ARID1B: variants seen among roughly 807,000 people sequenced by gnomAD.
ARID1B encodes the protein AT-rich interactive domain-containing protein 1B.
In ARID1B, 30 loss-of-function variants were observed where a neutral mutation model predicts 212.3. The ratio of observed to expected loss-of-function variants is 0.14; its 90% CI spans 0.11 to 0.19. The LOEUF (loss-of-function observed/expected upper bound fraction) is 0.19, where lower values mean the gene tolerates loss of function less well. ARID1B is among the 10% of genes least tolerant of loss of function. ARID1B has a pLI of 1.00. For synonymous variants in ARID1B, 1,402 were observed against 1,301.7 expected (o/e 1.08, Z -1.66); for missense variants, 2,891 against 3,204.0 (o/e 0.90, Z 2.36).
rs948223936 is a variant in ARID1B, at chr6:157,210,442, GCA to G, written c.*2552_*2553del. The G allele has an allele frequency of 4.3e-6, 1 of 230,610 alleles. No individual in the cohort carries two copies. Among genetic ancestry groups the G allele is most frequent in the African/African-American group, 2.2e-5 (1 of 44,960 alleles). The allele number at this position is 230,610 out of a possible 1,614,324, so 14.3% of individuals were successfully genotyped here. On this transcript the variant is annotated 3_prime_UTR_variant, in exon 20 of 20. Transcript: ENST00000636930. ...TTATGGTTTGCATTGTAACCGATACGCAGAGTCTGACCGTTGGGCAACAAGTT... is the reference window on the plus strand; with the variant it reads ...TTATGGTTTGCATTGTAACCGATACGGAGTCTGACCGTTGGGCAACAAGTT...
intron 3 of ARID1B, among the ~76,000 whole-genome samples, chr6:156,910,138 T>A (rs914674653): frequency 6.6e-6 from 1 of 152,238 alleles, no homozygotes; most frequent in African/African-American, 2.4e-5. Context: ...TGTTTGGTTG[T>A]CCCACAACAG....
chr6:157,011,341 A>G (rs1384589857), intron 4 of ARID1B, among the ~76,000 whole-genome samples: 1 of 152,232 alleles, frequency 6.6e-6, no homozygotes, highest in African/African-American at 2.4e-5. Context: ...TCTATGATAA[A>G]TTCCCTTGCA....
chr6:157,004,655 G>A lies in ARID1B; in HGVS notation c.2247+69079G>A, dbSNP rs960442288. On this transcript the variant is annotated intron_variant, in intron 4 of 19. Coordinates refer to ENST00000636930, the MANE Select transcript of ARID1B (RefSeq NM_001374828.1). ...TTACCTTAAATTTAGAAATGTGTTC[G>A]GAACAGCCGTGCACTTGGACTTGGC... 1.2e-4 allele frequency among the ~76,000 whole-genome samples: 18 copies of A among 152,160 alleles called. 1 individual carries two copies. Among genetic ancestry groups the A allele is most frequent in the Admixed American group, 2.6e-4 (4 of 15,294 alleles).
At chr6:156,969,575 C>T (rs1477273462) in intron 4 of ARID1B, among the ~76,000 whole-genome samples, 1 of 152,182 alleles carries the variant, frequency 6.6e-6, no homozygotes, top group Non-Finnish European at 1.5e-5. Flanking sequence ...CATTTAAAAC[C>T]TTCTAATACA....
At chr6:157,180,148 AAAAGTG>A (rs1792400902) in intron 11 of ARID1B, among the ~76,000 whole-genome samples, 1 of 152,206 alleles carries the variant, frequency 6.6e-6, no homozygotes, top group African/African-American at 2.4e-5. Flanking sequence ...GCCTAGGGCT[AAAAGTG>A]TTACCTGTCC....
At chr6:157,134,982 A>G (rs1788815215) in intron 7 of ARID1B, among the ~76,000 whole-genome samples, 1 of 152,010 alleles carries the variant, frequency 6.6e-6, no homozygotes, top group Non-Finnish European at 1.5e-5. Context: ...TACTCATCAT[A>G]TGTGAAGACT....
At chr6:156,928,243 C>T (rs1290465053) in intron 3 of ARID1B, among the ~76,000 whole-genome samples, 1 of 152,140 alleles carries the variant, frequency 6.6e-6, no homozygotes, top group Non-Finnish European at 1.5e-5. Flanking sequence ...GAGGCATTTT[C>T]TGAGCACTTG....
intron 2 of ARID1B, among the ~76,000 whole-genome samples, chr6:156,840,230 C>T (rs1184704740): frequency 6.6e-6 from 1 of 152,162 alleles, no homozygotes; most frequent in Non-Finnish European, 1.5e-5. Context: ...CTTTGCGTTT[C>T]CTTTTCCTCC....
rs139407686 is a variant in ARID1B at position 157,174,857 on chromosome 6, G to A, written c.3356G>A (p.Ser1119Asn). The change falls in exon 11 of 20, where the codon AGC (serine) becomes AAC (asparagine). Residue 1119 changes from serine (S) to asparagine (N), a missense_variant. By Grantham distance (46) the Ser-to-Asn change is conservative. This residue lies in a region of ARID1B where 1,643 missense variants were observed against 1,544.0 expected (regional missense o/e 1.06). Transcript: ENST00000636930. ...QPESKSKDSY[S>N]SQGISQPPTP... ...ATTCCTCTACCACAGGATAGCTACA[G>A]CTCTCAGGGTATTTCTCAGCCCCCA... 1.3e-4 allele frequency: 202 copies of A among 1,545,948 alleles called. No homozygotes were observed. Among genetic ancestry groups the A allele is most frequent in the Non-Finnish European group, 1.6e-4 (185 of 1,146,554 alleles).
chr6:157,192,719 T>A (rs978402815), intron 15 of ARID1B, among the ~76,000 whole-genome samples: 6 of 152,244 alleles, frequency 3.9e-5, no homozygotes, highest in African/African-American at 1.4e-4. Flanking sequence ...GTACAATCCC[T>A]AGTGTATTTC....
chr6:156,873,897 A>G (rs2128151152), intron 2 of ARID1B, among the ~76,000 whole-genome samples: 1 of 152,300 alleles, frequency 6.6e-6, no homozygotes, highest in African/African-American at 2.4e-5. Flanking sequence ...CACCCGCCAA[A>G]GCATTTCTCA....
At chr6:156,862,625 C>G (rs1349925551) in intron 2 of ARID1B, among the ~76,000 whole-genome samples, 1 of 152,156 alleles carries the variant, frequency 6.6e-6, no homozygotes, top group Non-Finnish European at 1.5e-5. Flanking sequence ...GGCCAGAGAG[C>G]CTTCCTGCAG....
intron 4 of ARID1B, among the ~76,000 whole-genome samples, chr6:156,949,056 A>G (rs528379770): frequency 6.6e-6 from 1 of 152,348 alleles, no homozygotes; most frequent in East Asian, 1.9e-4. Flanking sequence ...ACGTCTTATC[A>G]GTGCTGGTGA....
intron 6 of ARID1B, among the ~76,000 whole-genome samples, chr6:157,113,670 CATTTGGGTGGGGACACAGTTCAACATGAG>C (rs776216553): frequency 6.6e-6 from 1 of 152,186 alleles, no homozygotes; most frequent in Non-Finnish European, 1.5e-5. Flanking sequence ...CCACCTCCAA[CATTTGGGTGGGGACACAGTTCAACATGAG>C]ATTTGGGTGG....
chr6:156,994,610 T>C (rs1778478514), intron 4 of ARID1B, among the ~76,000 whole-genome samples: 2 of 151,852 alleles, frequency 1.3e-5, no homozygotes, highest in South Asian at 4.1e-4. Flanking sequence ...TGAAAACATA[T>C]GTTAAGTCTG....
chr6:157,006,844 A>T (rs947408624), intron 4 of ARID1B, among the ~76,000 whole-genome samples: 3 of 152,240 alleles, frequency 2.0e-5, no homozygotes, highest in Admixed American at 6.5e-5. Flanking sequence ...CTTACCAGAA[A>T]TTTTTTGTCT....
At chr6:157,166,485 AG>A (rs2128288833) in intron 8 of ARID1B, 1 of 152,380 alleles carries the variant, frequency 6.6e-6, no homozygotes, top group South Asian at 2.1e-4. Context: ...ATTTTAATGT[AG>A]GGAAATTGGT....
chr6:157,019,122 G>A (rs1326473928), intron 4 of ARID1B, among the ~76,000 whole-genome samples: 1 of 152,196 alleles, frequency 6.6e-6, no homozygotes, highest in Non-Finnish European at 1.5e-5. Context: ...TCTAGACCCA[G>A]TTCTGTTGGT....
intron 4 of ARID1B, among the ~76,000 whole-genome samples, chr6:156,947,597 A>G (rs981687736): frequency 4.6e-5 from 7 of 151,262 alleles, no homozygotes; most frequent in Non-Finnish European, 7.4e-5. Context: ...AGGAAATGGG[A>G]CTTTAGAAAG....
Sources: allele counts gnomAD v4.1 joint callset (sites outside exome capture counted in the v4.1 genomes callset), GRCh38; gene constraint gnomAD v4.1.1; regional missense constraint gnomAD v4.1.1; transcripts MANE v1.5; gene names NCBI Gene and HGNC (gene_info 2026-07-23, HGNC 2026-07-21).